SLC35F3: variants seen among roughly 807,000 people sequenced by gnomAD.
SLC35F3 encodes the protein solute carrier family 35 member F3.
SLC35F3 carries 25 observed loss-of-function variants against 49.9 expected under a neutral mutation model. The ratio of observed to expected loss-of-function variants is 0.50; its 90% CI spans 0.37 to 0.70. The LOEUF is 0.70. SLC35F3 is among the 30% of genes least tolerant of loss of function. The pLI is 0.00. For missense variants in SLC35F3, 525 were observed against 639.8 expected (o/e 0.82, Z 1.94); for synonymous variants, 275 against 265.4 (o/e 1.04, Z -0.35).
chr1:234,177,639 G>T (rs930347306), intron 2 of SLC35F3, among the ~76,000 whole-genome samples: 1 of 152,180 alleles, frequency 6.6e-6, no homozygotes, highest in Non-Finnish European at 1.5e-5. Flanking sequence ...GGAACTTACA[G>T]AGTTGTAGGG....
chr1:233,933,035 T>TA (rs59669736), intron 2 of SLC35F3, among the ~76,000 whole-genome samples: 27,249 of 134,852 alleles, frequency 0.2, 3,744 homozygotes, highest in African/African-American at 0.4. Context: ...GCTATTTAAG[T>TA]AAAAAAAAAA....
chr1:234,105,047 G>C (rs1665264819), intron 2 of SLC35F3, among the ~76,000 whole-genome samples: 1 of 151,188 alleles, frequency 6.6e-6, no homozygotes, highest in Non-Finnish European at 1.5e-5. Context: ...AGAATGGCGT[G>C]AACCGGGGAG....
chr1:234,258,299 C>G (rs1034059090), intron 3 of SLC35F3, among the ~76,000 whole-genome samples: 1 of 152,288 alleles, frequency 6.6e-6, no homozygotes, highest in Non-Finnish European at 1.5e-5. Flanking sequence ...GAATTAGTTC[C>G]TCAATATGAG....
At chr1:234,282,811 T>A (rs1208196580) in intron 3 of SLC35F3, among the ~76,000 whole-genome samples, 1 of 152,254 alleles carries the variant, frequency 6.6e-6, no homozygotes, top group Non-Finnish European at 1.5e-5. Context: ...TGTTAACGGT[T>A]GCAGTGTGCC....
rs530764383 is a variant in SLC35F3, at chr1:234,155,670, T to C, written c.284-75747T>C. On this transcript the variant is annotated intron_variant, in intron 2 of 7. Coordinates refer to ENST00000366618, the MANE Select transcript of SLC35F3 (RefSeq NM_173508.4). The stretch of plus-strand genomic sequence containing the variant: ...ATGGAAAGGAATAGAAAGTAAGGGA[T>C]CTAATGACATATAAGAATTAAATGA... Among the ~76,000 whole-genome samples the C allele has an allele frequency of 2.9e-4, 44 of 151,870 alleles. 1 individual carries two copies. In the South Asian group the frequency reaches 8.1e-3, roughly 28 times the overall value.
chr1:234,247,277 T>G (rs1667647403), intron 3 of SLC35F3, among the ~76,000 whole-genome samples: 1 of 152,258 alleles, frequency 6.6e-6, no homozygotes, highest in African/African-American at 2.4e-5. Flanking sequence ...GAGCAATGGT[T>G]TTAAACTTTG....
intron 2 of SLC35F3, among the ~76,000 whole-genome samples, chr1:234,068,054 A>G (rs1465650275): frequency 6.6e-6 from 1 of 152,196 alleles, no homozygotes; most frequent in Non-Finnish European, 1.5e-5. Context: ...TACTCACATT[A>G]TGAAAACCTC....
intron 2 of SLC35F3, among the ~76,000 whole-genome samples, chr1:233,971,453 C>T (rs1010749212): frequency 3.9e-5 from 6 of 152,196 alleles, no homozygotes; most frequent in African/African-American, 9.6e-5. Flanking sequence ...CGGTGGCTCA[C>T]GCACAGGCGT....
intron 3 of SLC35F3, among the ~76,000 whole-genome samples, chr1:234,259,817 T>C (rs1353609191): frequency 1.3e-5 from 2 of 152,154 alleles, no homozygotes; most frequent in Non-Finnish European, 2.9e-5. Context: ...TCACTATATC[T>C]ATAGATCCAT....
intron 2 of SLC35F3, among the ~76,000 whole-genome samples, chr1:234,166,687 G>T (rs958791221): frequency 6.6e-6 from 1 of 152,310 alleles, no homozygotes; most frequent in East Asian, 1.9e-4. Flanking sequence ...ATAGGAGGGA[G>T]CAGGAAGGCC....
intron 2 of SLC35F3, among the ~76,000 whole-genome samples, chr1:233,934,089 C>T (rs1662288056): frequency 6.6e-6 from 1 of 152,194 alleles, no homozygotes; most frequent in South Asian, 2.1e-4. Flanking sequence ...TTTTCACATG[C>T]TGCTAAGGAT....
chr1:233,960,816 G>A (rs1189690692), intron 2 of SLC35F3, among the ~76,000 whole-genome samples: 5 of 152,142 alleles, frequency 3.3e-5, no homozygotes, highest in African/African-American at 4.8e-5. Flanking sequence ...CTAACAAGCT[G>A]TAAGTTCTTT....
chr1:234,290,641 C>G (rs1300706488), intron 3 of SLC35F3, among the ~76,000 whole-genome samples: 3 of 152,220 alleles, frequency 2.0e-5, no homozygotes, highest in African/African-American at 7.2e-5. Context: ...TGGATGGGCC[C>G]TGGAGGCCGC....
intron 3 of SLC35F3, among the ~76,000 whole-genome samples, chr1:234,296,340 C>T (rs1449665833): frequency 6.6e-6 from 1 of 151,926 alleles, no homozygotes; most frequent in African/African-American, 2.4e-5. Context: ...TAGTGTGTAA[C>T]CTCACTGGGT....
chr1:234,196,043 T>C (rs891575214), intron 2 of SLC35F3, among the ~76,000 whole-genome samples: 1 of 152,056 alleles, frequency 6.6e-6, no homozygotes, highest in African/African-American at 2.4e-5. Context: ...AGTGTGGAAA[T>C]GGACTAATAC....
At chr1:234,024,467 G>T (rs928306747) in intron 2 of SLC35F3, among the ~76,000 whole-genome samples, 11 of 152,146 alleles carry the variant, frequency 7.2e-5, no homozygotes, top group Non-Finnish European at 1.3e-4. Flanking sequence ...CCTGAAACTG[G>T]GCAGTTTATA....
At chr1:234,113,812 G>A (rs1421234554) in intron 2 of SLC35F3, among the ~76,000 whole-genome samples, 5 of 152,220 alleles carry the variant, frequency 3.3e-5, no homozygotes, top group African/African-American at 9.6e-5. Flanking sequence ...GCAGCAAGCC[G>A]AGATCGTGCC....
At chr1:233,944,027 C>T (rs2102800662) in intron 2 of SLC35F3, among the ~76,000 whole-genome samples, 1 of 152,298 alleles carries the variant, frequency 6.6e-6, no homozygotes, top group East Asian at 1.9e-4. Flanking sequence ...ATCTCTGGGA[C>T]ACAGCTAAGT....
chr1:234,081,024 A>T (rs1245289792), intron 2 of SLC35F3, among the ~76,000 whole-genome samples: 3 of 152,166 alleles, frequency 2.0e-5, no homozygotes, highest in Non-Finnish European at 2.9e-5. Context: ...ATACAGCCCC[A>T]GGCCAACTTA....
Sources: gnomAD v4.1 joint callset for allele counts (sites outside exome capture counted in the v4.1 genomes callset) on GRCh38, gnomAD v4.1.1 for gene constraint, MANE v1.5 for transcripts, NCBI Gene and HGNC (gene_info 2026-07-23, HGNC 2026-07-21) for gene names.